STK33: variants seen among roughly 807,000 people sequenced by gnomAD.
The protein encoded by STK33 is serine/threonine kinase 33.
STK33 carries 52 observed loss-of-function variants against 58.0 expected under a neutral mutation model. The observed-to-expected ratio is 0.90, with a 90% CI of 0.72 to 1.13. STK33 has a LOEUF of 1.13. STK33 is among the 50% of genes most tolerant of loss of function. STK33 has a pLI of 0.00. For missense variants in STK33, 630 were observed against 604.2 expected (o/e 1.04, Z -0.45); for synonymous variants, 215 against 200.1 (o/e 1.07, Z -0.63).
intron 1 of STK33, among the ~76,000 whole-genome samples, chr11:8,494,746 G>T (rs891838863): frequency 5.9e-5 from 9 of 151,818 alleles, no homozygotes; most frequent in African/African-American, 1.7e-4. Context: ...CCAAAACAGA[G>T]ATATAGATCA....
At chr11:8,578,269 A>G (rs1958323873) in intron 1 of STK33, among the ~76,000 whole-genome samples, 1 of 152,116 alleles carries the variant, frequency 6.6e-6, no homozygotes, top group Non-Finnish European at 1.5e-5. Context: ...TAACACATAC[A>G]GTGAATTTAC....
At chr11:8,374,967 C>T in the STK33 span, among the ~76,000 whole-genome samples, 2 of 152,190 alleles carry the variant, frequency 1.3e-5, no homozygotes, top group Admixed American at 1.3e-4. Flanking sequence ...AAGTATAGTT[C>T]CCTTCCTATG....
At chr11:8,403,972 G>A (rs1938611869) in intron 15 of STK33, among the ~76,000 whole-genome samples, 1 of 152,154 alleles carries the variant, frequency 6.6e-6, no homozygotes, top group South Asian at 2.1e-4. Context: ...TAAGTAAAGT[G>A]GTTTATCACC....
intron 1 of STK33, among the ~76,000 whole-genome samples, chr11:8,531,887 C>T (rs1025477409): frequency 6.6e-6 from 1 of 152,166 alleles, no homozygotes; most frequent in African/African-American, 2.4e-5. Flanking sequence ...AAATAATTTT[C>T]TAGCAAAATG....
At chr11:8,356,234 G>C in the STK33 span, among the ~76,000 whole-genome samples, 3 of 152,352 alleles carry the variant, frequency 2.0e-5, no homozygotes, top group South Asian at 4.1e-4. Flanking sequence ...AGTGGGAACA[G>C]AGACAGGGAA....
intron 11 of STK33, among the ~76,000 whole-genome samples, chr11:8,452,419 G>C (rs1392263332): frequency 2.6e-5 from 4 of 152,030 alleles, no homozygotes; most frequent in Admixed American, 6.6e-5. Context: ...CTAAATCATG[G>C]GTCATTATGT....
At chr11:8,445,749 A>C (rs1205303466) in intron 11 of STK33, among the ~76,000 whole-genome samples, 1 of 152,198 alleles carries the variant, frequency 6.6e-6, no homozygotes, top group Non-Finnish European at 1.5e-5. Context: ...TGTGGTGGAT[A>C]AGCTTTTTGA....
the STK33 span, among the ~76,000 whole-genome samples, chr11:8,369,702 CCA>C: frequency 6.6e-6 from 1 of 152,130 alleles, no homozygotes. Context: ...CCTGCTGACC[CCA>C]GTTTCTTTAT....
At chr11:8,431,882 G>A (rs1326074965) in intron 14 of STK33, among the ~76,000 whole-genome samples, 2 of 151,714 alleles carry the variant, frequency 1.3e-5, no homozygotes, top group Admixed American at 1.3e-4. Flanking sequence ...CTTCTTATCT[G>A]CCAGTCAAAT....
At chr11:8,527,804 A>G (rs1352296048) in intron 1 of STK33, among the ~76,000 whole-genome samples, 2 of 152,238 alleles carry the variant, frequency 1.3e-5, no homozygotes, top group Non-Finnish European at 1.5e-5. Flanking sequence ...CAGAGGAAAC[A>G]GCCCATTTAC....
the STK33 span, among the ~76,000 whole-genome samples, chr11:8,385,089 C>A: frequency 6.6e-6 from 1 of 152,180 alleles, no homozygotes; most frequent in African/African-American, 2.4e-5. Flanking sequence ...CTCACCCATT[C>A]TTCTTCAACC....
intron 1 of STK33, among the ~76,000 whole-genome samples, chr11:8,515,940 C>T (rs1243938526): frequency 6.6e-6 from 1 of 152,130 alleles, no homozygotes; most frequent in Non-Finnish European, 1.5e-5. Context: ...GAAAGACATC[C>T]TATGTTCATG....
Position 8,471,288 on chromosome 11 carries a change from G to A in STK33, c.339+1875C>T, listed in dbSNP as rs773991428. ...TTCTAAAATGAGAAATGGCCAACTA[G>A]TTTTTTACAAACTAATCACTTTCTT... On this transcript the variant is annotated intron_variant, in intron 6 of 15. Coordinates refer to ENST00000687296, the MANE Select transcript of STK33 (RefSeq NM_001352389.2). Among the ~76,000 whole-genome samples the A allele has an allele frequency of 6.6e-5, 10 of 152,182 alleles. No homozygotes were observed. The East Asian group carries it at 1.7e-3, about 26-fold the overall frequency.
chr11:8,398,366 T>G (rs1849750949), intron 15 of STK33, among the ~76,000 whole-genome samples: 1 of 152,188 alleles, frequency 6.6e-6, no homozygotes, highest in Non-Finnish European at 1.5e-5. Context: ...AAACTAAGTT[T>G]CATAAGTGAA....
At chr11:8,510,083 G>A (rs1368709938) in intron 1 of STK33, among the ~76,000 whole-genome samples, 1 of 152,170 alleles carries the variant, frequency 6.6e-6, no homozygotes, top group Non-Finnish European at 1.5e-5. Context: ...TCTCTATCTT[G>A]TTTTCCATAG....
chr11:8,440,593 T>C, intron 12 of STK33, 85 bp downstream of exon 12: 1 of 1,153,386 alleles, frequency 8.7e-7, no homozygotes, highest in Non-Finnish European at 1.2e-6. Context: ...TAAAAATATA[T>C]ATTAGTTTTA....
chr11:8,489,600 A>G (rs1950453288), intron 1 of STK33, among the ~76,000 whole-genome samples: 1 of 152,160 alleles, frequency 6.6e-6, no homozygotes, highest in African/African-American at 2.4e-5. Context: ...CAAGGCTGTA[A>G]TAACTAAACC....
chr11:8,474,965 C>T lies in STK33; in HGVS notation c.-60G>A. The T allele has an allele frequency of 6.7e-7, 1 of 1,489,972 alleles. No homozygotes were observed. The highest frequency in any genetic ancestry group is 9.0e-7 in the Non-Finnish European group (1 of 1,111,218). The allele number at this position is 1,489,972 out of a possible 1,614,324, so 92.3% of individuals were successfully genotyped here. A position where few individuals can be genotyped will look rare whatever the true frequency, so the allele number is the denominator to read the frequency against. On this transcript the variant is annotated 5_prime_UTR_variant, in exon 5 of 16. Transcript: ENST00000687296. ...TGTTTCCACTGTTTGAGGAAGAAAA[C>T]CAGGCCAAAAAGGATAAGGTAGTTG... is the stretch of plus-strand genomic sequence containing the variant.
the STK33 span, among the ~76,000 whole-genome samples, chr11:8,342,143 TGGGGAGGAA>T: frequency 1.3e-5 from 2 of 152,102 alleles, no homozygotes; most frequent in African/African-American, 2.4e-5. Context: ...ACCTTGCAGG[TGGGGAGGAA>T]GGGGAGGTGG....
Sources: gnomAD v4.1 joint callset for allele counts (sites outside exome capture counted in the v4.1 genomes callset) on GRCh38, gnomAD v4.1.1 for gene constraint, MANE v1.5 for transcripts, NCBI Gene and HGNC (gene_info 2026-07-23, HGNC 2026-07-21) for gene names.